NALF1: variants seen among roughly 807,000 people sequenced by gnomAD.
NALF1 encodes the protein NALCN channel auxiliary factor 1, also known as family with sequence similarity 155 member A.
In NALF1, 3 loss-of-function variants were observed where a neutral mutation model predicts 48.4. The observed-to-expected ratio is 0.06, with a 90% confidence interval of 0.03 to 0.16. NALF1 has a LOEUF of 0.16. NALF1 is among the 10% of genes least tolerant of loss of function. NALF1 has a pLI of 1.00. For synonymous variants in NALF1, 262 were observed against 245.7 expected, an observed-to-expected ratio of 1.07 and a Z score of -0.62; for missense variants, 526 against 571.5, an observed-to-expected ratio of 0.92 and a Z score of 0.81.
At chr13:107,669,926 T>G (rs1028869371) in intron 1 of NALF1, among the ~76,000 whole-genome samples, 15 of 152,082 alleles carry the variant, frequency 9.9e-5, no homozygotes, top group African/African-American at 3.4e-4. Flanking sequence ...AAATCCTCCC[T>G]TATGAAAGCT....
chr13:107,271,757 C>T (rs1339840721), intron 1 of NALF1, among the ~76,000 whole-genome samples: 1 of 138,480 alleles, frequency 7.2e-6, no homozygotes, highest in African/African-American at 2.8e-5. Flanking sequence ...AGTTCCTTCT[C>T]CTCTTTTGCT....
intron 1 of NALF1, among the ~76,000 whole-genome samples, chr13:107,468,516 C>T (rs971120604): frequency 1.3e-5 from 2 of 152,138 alleles, no homozygotes; most frequent in Non-Finnish European, 2.9e-5. Context: ...GTGCAAGTTG[C>T]CTCTTTTTAA....
chr13:107,368,382 T>A (rs1883188966), intron 1 of NALF1, among the ~76,000 whole-genome samples: 1 of 150,820 alleles, frequency 6.6e-6, no homozygotes, highest in African/African-American at 2.4e-5. Context: ...AATGGCCCAA[T>A]CTCGGCTCAC....
intron 1 of NALF1, among the ~76,000 whole-genome samples, chr13:107,493,803 G>A (rs1875230564): frequency 6.6e-6 from 1 of 152,196 alleles, no homozygotes; most frequent in African/African-American, 2.4e-5. Flanking sequence ...GTGAGAGGAT[G>A]GCTTGAGCCC....
intron 1 of NALF1, among the ~76,000 whole-genome samples, chr13:107,857,912 G>T (rs1007466562): frequency 6.6e-6 from 1 of 152,074 alleles, no homozygotes; most frequent in Non-Finnish European, 1.5e-5. Context: ...TCAAGCCCTA[G>T]GCAAGGTCTT....
chr13:107,506,632 T>A (rs1206453219), intron 1 of NALF1, among the ~76,000 whole-genome samples: 3 of 152,190 alleles, frequency 2.0e-5, no homozygotes, highest in South Asian at 2.1e-4. Flanking sequence ...ATAACATGAC[T>A]AATTATGGGT....
intron 1 of NALF1, among the ~76,000 whole-genome samples, chr13:107,634,568 G>A (rs1392898026): frequency 1.3e-5 from 2 of 152,122 alleles, no homozygotes; most frequent in Non-Finnish European, 2.9e-5. Flanking sequence ...TACTTAGGAA[G>A]TGGGACTTCA....
At chr13:107,287,048 T>A (rs577946645) in intron 1 of NALF1, among the ~76,000 whole-genome samples, 1 of 152,346 alleles carries the variant, frequency 6.6e-6, no homozygotes, top group East Asian at 1.9e-4. Context: ...AATTTTAGGG[T>A]AGGTGAGTTT....
At chr13:107,619,944 A>G (rs1879478510) in intron 1 of NALF1, among the ~76,000 whole-genome samples, 1 of 152,210 alleles carries the variant, frequency 6.6e-6, no homozygotes, top group Non-Finnish European at 1.5e-5. Context: ...CATTCTGTCA[A>G]ATTTCCCTTA....
At chr13:107,474,223 A>G (rs1406821905) in intron 1 of NALF1, among the ~76,000 whole-genome samples, 1 of 152,218 alleles carries the variant, frequency 6.6e-6, no homozygotes, top group Non-Finnish European at 1.5e-5. Context: ...TCAATGGAAC[A>G]AGGACTAAAT....
intron 1 of NALF1, chr13:107,531,151 T>G (rs760642593): frequency 6.0e-6 from 1 of 167,452 alleles, no homozygotes. Context: ...TCTTGACCAC[T>G]GATGGAGTCC....
At chr13:107,458,714 A>G (rs972860404) in intron 1 of NALF1, among the ~76,000 whole-genome samples, 1 of 152,230 alleles carries the variant, frequency 6.6e-6, no homozygotes, top group African/African-American at 2.4e-5. Flanking sequence ...ATTTCTAAAG[A>G]GTAGACCAAC....
chr13:107,818,750 T>C (rs1047615287), intron 1 of NALF1, among the ~76,000 whole-genome samples: 11 of 143,560 alleles, frequency 7.7e-5, no homozygotes, highest in Non-Finnish European at 3.0e-5. Flanking sequence ...CGGGCGCCTG[T>C]AGTCCCAGCT....
chr13:107,525,682 A>G (rs1404133944), intron 1 of NALF1, among the ~76,000 whole-genome samples: 2 of 152,080 alleles, frequency 1.3e-5, no homozygotes, highest in Non-Finnish European at 2.9e-5. Context: ...TTTATAAGAA[A>G]TTGACAATCT....
chr13:107,616,323 C>G (rs549771794), intron 1 of NALF1, among the ~76,000 whole-genome samples: 1 of 152,190 alleles, frequency 6.6e-6, no homozygotes, highest in East Asian at 1.9e-4. Flanking sequence ...TTAGCCTATT[C>G]TTTGTGAGAA....
At chr13:107,490,746 C>T (rs528666709) in intron 1 of NALF1, among the ~76,000 whole-genome samples, 2 of 151,862 alleles carry the variant, frequency 1.3e-5, no homozygotes, top group South Asian at 2.1e-4. Context: ...TCTGTATAGT[C>T]GTCACACACT....
At chr13:107,732,226 C>T (rs1270072492) in intron 1 of NALF1, among the ~76,000 whole-genome samples, 1 of 151,892 alleles carries the variant, frequency 6.6e-6, no homozygotes, top group Middle Eastern at 3.2e-3. Context: ...CTACATGCAT[C>T]CTCTATATAC....
At chr13:107,805,487 T>C (rs1878752257) in intron 1 of NALF1, among the ~76,000 whole-genome samples, 1 of 152,120 alleles carries the variant, frequency 6.6e-6, no homozygotes, top group South Asian at 2.1e-4. Context: ...AATAAACACA[T>C]GCATTCCCCA....
intron 1 of NALF1, among the ~76,000 whole-genome samples, chr13:107,630,582 G>T (rs1372840139): frequency 6.6e-6 from 1 of 152,064 alleles, no homozygotes; most frequent in Non-Finnish European, 1.5e-5. Context: ...CATATGGTAA[G>T]CTCTCAACAG....
Sources: allele counts gnomAD v4.1 joint callset (sites outside exome capture counted in the v4.1 genomes callset), GRCh38; gene constraint gnomAD v4.1.1; transcripts MANE v1.5; gene names NCBI Gene and HGNC (gene_info 2026-07-23, HGNC 2026-07-21).